The following TIA1 variants were observed in gnomAD, a reference collection of about 807,000 sequenced individuals.
TIA1 encodes the protein TIA1 cytotoxic granule associated RNA binding protein, also known as cytotoxic granule associated RNA binding protein TIA1.
A neutral mutation model predicts 65.9 loss-of-function variants in TIA1; 23 were observed. That is an observed-to-expected ratio of 0.35 (90% confidence interval 0.25 to 0.49). TIA1 has a LOEUF of 0.49. Ranked by LOEUF, TIA1 falls within the 20% of genes least tolerant of loss-of-function variation. The pLI is 0.98. For synonymous variants in TIA1, 147 were observed against 149.4 expected, an observed-to-expected ratio of 0.98 and a Z score of 0.12; for missense variants, 371 against 477.9, an observed-to-expected ratio of 0.78 and a Z score of 2.09.
chr2:70,214,825 T>C (rs1048381669), intron 11 of TIA1, among the ~76,000 whole-genome samples: 21 of 152,190 alleles, frequency 1.4e-4, no homozygotes, highest in African/African-American at 4.8e-4. Context: ...TTCCTTTAGA[T>C]AGGGAAGATG....
At chr2:70,217,444 C>A (rs904871624) in intron 7 of TIA1, among the ~76,000 whole-genome samples, 2 of 151,678 alleles carry the variant, frequency 1.3e-5, no homozygotes, top group African/African-American at 4.8e-5. Context: ...GTGGCCCAGG[C>A]TGGAGTGTAA....
chr2:70,218,736 A>C (rs533255975), intron 7 of TIA1, among the ~76,000 whole-genome samples: 1 of 152,382 alleles, frequency 6.6e-6, no homozygotes, highest in East Asian at 1.9e-4. Flanking sequence ...CCCGGCAAGA[A>C]GGCCATTCTT....
chr2:70,221,871 T>C (rs1369327312), intron 7 of TIA1, among the ~76,000 whole-genome samples: 1 of 151,998 alleles, frequency 6.6e-6, no homozygotes, highest in Non-Finnish European at 1.5e-5. Flanking sequence ...CACTGGATCC[T>C]CAACTTCCTG....
intron 1 of TIA1, among the ~76,000 whole-genome samples, chr2:70,245,914 A>ATTT (rs199977940): frequency 0.012 from 1,469 of 124,480 alleles, 152 homozygotes; most frequent in Admixed American, 0.077. Flanking sequence ...ATTCTACCAG[A>ATTT]TTTTTTTTTT....
At chr2:70,216,807 G>A (rs770780884) in intron 8 of TIA1, 79 bp downstream of exon 8, 60 of 1,609,670 alleles carry the variant, frequency 3.7e-5, no homozygotes, top group Admixed American at 8.3e-5. Flanking sequence ...ATAAGTCTCC[G>A]GGAACAGCTC....
chr2:70,216,660 A>C (rs1167622626), intron 8 of TIA1, 161 bp from the exon 9 acceptor site: 16 of 1,379,316 alleles, frequency 1.2e-5, no homozygotes, highest in Non-Finnish European at 1.3e-5. Context: ...TCCCCCACGA[A>C]TGTCTAAAAA....
At chr2:70,231,427 G>A (rs554553535) in intron 2 of TIA1, among the ~76,000 whole-genome samples, 168 of 151,684 alleles carry the variant, frequency 1.1e-3, no homozygotes, top group Non-Finnish European at 2.0e-3. Context: ...GCAAGATCCT[G>A]TCTCTAAAAT....
rs954553774 is a variant in TIA1, at chr2:70,211,232, A to T, written c.*1487T>A. On this transcript the variant is annotated 3_prime_UTR_variant, in exon 13 of 13. Transcript: ENST00000433529. ...ACTTCCCACACAAGTCTTCTAAGAG[A>T]CTCTGAAATATACTAGAAATTTCAA... 1 of 152,038 alleles carries T rather than the reference A, an allele frequency of 6.6e-6. No homozygotes were observed. Among genetic ancestry groups the T allele is most frequent in the East Asian group, 1.9e-4 (1 of 5,194 alleles). 9.4% of individuals were successfully genotyped at this position (152,038 alleles called of 1,614,324 possible). A position where few individuals can be genotyped will look rare whatever the true frequency, so the allele number is the denominator to read the frequency against.
At chr2:70,231,329 G>A (rs889240346) in intron 2 of TIA1, among the ~76,000 whole-genome samples, 9 of 151,984 alleles carry the variant, frequency 5.9e-5, no homozygotes, top group African/African-American at 2.2e-4. Flanking sequence ...AAAGTAAACA[G>A]CCAGCTCCTG....
In TIA1 at chr2:70,248,342, G is replaced by C; in HGVS notation, c.26+63C>G. The C allele has an allele frequency of 4.5e-6, 7 of 1,569,760 alleles. No homozygotes were observed. In the South Asian group the frequency reaches 7.9e-5, roughly 18 times the overall value. Reference sequence around the variant, plus strand: ...GAACAATAGGCTGGGAGCGGCGCAGGGCCGAGGCCTTCCCTCCGGGACGAC... The same window carrying C: ...GAACAATAGGCTGGGAGCGGCGCAGCGCCGAGGCCTTCCCTCCGGGACGAC... On this transcript the variant is annotated intron_variant, in intron 1 of 12. Transcript: ENST00000433529.
intron 2 of TIA1, 102 bp downstream of exon 2, chr2:70,235,977 C>T (rs1688719558): frequency 1.7e-6 from 1 of 602,772 alleles, no homozygotes. Context: ...ATAATTTATA[C>T]TATATTTAGA....
At chr2:70,222,191 CT>C (rs1681736539) in intron 7 of TIA1, among the ~76,000 whole-genome samples, 1 of 151,962 alleles carries the variant, frequency 6.6e-6, no homozygotes, top group African/African-American at 2.4e-5. Flanking sequence ...GCTCAAAGTC[CT>C]TGAAAAGGCA....
intron 10 of TIA1, chr2:70,215,790 C>T: frequency 3.1e-6 from 1 of 322,736 alleles, no homozygotes; most frequent in East Asian, 8.3e-5. Context: ...CTCTGTTGCC[C>T]ATGCTGGAGT....
At chr2:70,246,660 C>A (rs995750986) in intron 1 of TIA1, among the ~76,000 whole-genome samples, 1 of 152,106 alleles carries the variant, frequency 6.6e-6, no homozygotes, top group East Asian at 1.9e-4. Flanking sequence ...CCGAGGTGTG[C>A]GGATCACCTG....
intron 1 of TIA1, among the ~76,000 whole-genome samples, chr2:70,242,679 T>C (rs568192586): frequency 6.6e-6 from 1 of 152,078 alleles, no homozygotes; most frequent in Admixed American, 6.6e-5. Context: ...TGGACCATTA[T>C]GCGTCCATGG....
At chr2:70,241,750 G>T (rs1488719694) in intron 1 of TIA1, among the ~76,000 whole-genome samples, 1 of 151,912 alleles carries the variant, frequency 6.6e-6, no homozygotes, top group Non-Finnish European at 1.5e-5. Context: ...GACCAGCTAG[G>T]GCAACATAGT....
At chr2:70,229,214 C>T in intron 4 of TIA1, 50 bp downstream of exon 4, 2 of 1,606,696 alleles carry the variant, frequency 1.2e-6, no homozygotes, top group East Asian at 2.2e-5. Flanking sequence ...TACAATAAAA[C>T]TACTGGGTAC....
intron 2 of TIA1, among the ~76,000 whole-genome samples, chr2:70,235,134 G>C (rs1280415986): frequency 6.6e-6 from 1 of 152,012 alleles, no homozygotes; most frequent in Admixed American, 6.6e-5. Flanking sequence ...AAAAAATTTA[G>C]GCCAGGTACA....
chr2:70,227,211 A>C (rs1286672101), intron 6 of TIA1, among the ~76,000 whole-genome samples: 1 of 152,184 alleles, frequency 6.6e-6, no homozygotes, highest in East Asian at 1.9e-4. Context: ...ACTAATAACA[A>C]GTGCAAGCAA....
Sources: allele counts gnomAD v4.1 joint callset (sites outside exome capture counted in the v4.1 genomes callset), GRCh38; gene constraint gnomAD v4.1.1; transcripts MANE v1.5; gene names NCBI Gene and HGNC (gene_info 2026-07-23, HGNC 2026-07-21).